The following DMD variants were observed in gnomAD, a reference collection of about 807,000 sequenced individuals.
DMD encodes the protein dystrophin, also known as mutant dystrophin.
Under a neutral mutation model 330.1 loss-of-function variants are expected in DMD, and 63 were observed. That is an observed-to-expected ratio of 0.19 (90% CI 0.16 to 0.24). DMD has a LOEUF of 0.24. Among genes scored for constraint, DMD ranks in the 10% least tolerant of loss-of-function variants. The pLI is 1.00. For synonymous variants in DMD, 1,223 were observed against 959.8 expected, an observed-to-expected ratio of 1.27 and a Z score of -5.07; for missense variants, 3,344 against 2,684.1, an observed-to-expected ratio of 1.25 and a Z score of -5.43.
At chrX:32,862,418 T>C (rs908566046) in intron 2 of DMD, among the ~76,000 whole-genome samples, 4 of 111,665 alleles carry the variant, frequency 3.6e-5, no homozygotes, top group African/African-American at 1.3e-4. Context: ...AAGTGGGATG[T>C]TATGAACCCA....
At chrX:33,200,935 T>TTTTC (rs2051229175) in intron 1 of DMD, among the ~76,000 whole-genome samples, 1 of 82,592 alleles carries the variant, frequency 1.2e-5, no homozygotes, top group Non-Finnish European at 2.4e-5. Context: ...CTTTTTTTTT[T>TTTTC]TTTTTTTTTT....
intron 1 of DMD, among the ~76,000 whole-genome samples, chrX:33,292,322 A>C (rs764279712): frequency 1.8e-5 from 2 of 112,013 alleles, no homozygotes; most frequent in Non-Finnish European, 3.8e-5. Context: ...ATCTATGTTG[A>C]AATGAATAAA....
At position 32,973,411 on chromosome X, in the gene DMD, T is replaced by C. The variant is rs57128508; in HGVS notation, c.93+46728A>G. On this transcript the variant is annotated intron_variant, in intron 2 of 78. Transcript: ENST00000357033. The stretch of plus-strand genomic sequence containing the variant: ...GTGAGTTTGTAACTACTTCAACAGA[T>C]AGAGGATGGCAAGAGTAATGTTTTG... Among the ~76,000 whole-genome samples, 17 of 112,199 alleles carry C rather than the reference T, an allele frequency of 1.5e-4. No individual in the cohort carries two copies. The East Asian group carries it at 3.9e-3, about 26-fold the overall frequency.
intron 44 of DMD, among the ~76,000 whole-genome samples, chrX:32,085,945 G>A (rs916121483): frequency 2.9e-4 from 32 of 111,450 alleles, no homozygotes; most frequent in Non-Finnish European, 4.1e-4. Flanking sequence ...AGCACTATTT[G>A]TAATAGCTAA....
At chrX:32,577,052 A>G (rs1201619732) in intron 13 of DMD, among the ~76,000 whole-genome samples, 1 of 111,894 alleles carries the variant, frequency 8.9e-6, no homozygotes. Flanking sequence ...CTACATCGGA[A>G]TGTGCCCATA....
intron 1 of DMD, among the ~76,000 whole-genome samples, chrX:33,265,521 T>A (rs1485361864): frequency 9.0e-6 from 1 of 111,307 alleles, no homozygotes; most frequent in Non-Finnish European, 1.9e-5. Flanking sequence ...CTAGGAAACT[T>A]TGGCAATAAA....
chrX:31,382,963 C>G (rs2148733413), intron 60 of DMD, among the ~76,000 whole-genome samples: 1 of 112,249 alleles, frequency 8.9e-6, no homozygotes, highest in African/African-American at 3.2e-5. Context: ...CCCCTGTGAC[C>G]TACACATATA....
intron 44 of DMD, among the ~76,000 whole-genome samples, chrX:32,180,512 C>T (rs190451718): frequency 1.6e-3 from 182 of 111,403 alleles, no homozygotes; most frequent in African/African-American, 5.5e-3. Flanking sequence ...CTTGGAGAGA[C>T]CCTTCAGAAT....
intron 45 of DMD, among the ~76,000 whole-genome samples, chrX:31,949,543 A>G (rs1421529691): frequency 9.0e-6 from 1 of 111,341 alleles, no homozygotes; most frequent in Non-Finnish European, 1.9e-5. Context: ...TTTTGTGGAT[A>G]TCAGATTTTT....
intron 61 of DMD, among the ~76,000 whole-genome samples, chrX:31,337,808 A>G (rs905250737): frequency 1.8e-5 from 2 of 112,098 alleles, no homozygotes; most frequent in Admixed American, 9.4e-5. Flanking sequence ...GGAAGATGAA[A>G]TAAGAAAGAA....
At chrX:31,831,872 T>G (rs4995434) in intron 49 of DMD, among the ~76,000 whole-genome samples, 51,247 of 111,592 alleles carry the variant, frequency 0.46, 8,583 homozygotes, top group East Asian at 0.63. Context: ...AAAGTGCTGG[T>G]ATTACAGGCG....
intron 43 of DMD, among the ~76,000 whole-genome samples, chrX:32,224,962 C>A (rs183618067): frequency 2.8e-3 from 316 of 111,582 alleles, no homozygotes; most frequent in African/African-American, 9.5e-3. Context: ...TTTTCTTTGA[C>A]CTGTACCACC....
chrX:32,803,298 G>A (rs1175740781), intron 7 of DMD, among the ~76,000 whole-genome samples: 1 of 111,309 alleles, frequency 9.0e-6, no homozygotes, highest in Non-Finnish European at 1.9e-5. Context: ...GTATTTCTGT[G>A]GGATCAGTGG....
At chrX:32,690,483 CAG>C (rs2063196785) in intron 9 of DMD, among the ~76,000 whole-genome samples, 2 of 111,426 alleles carry the variant, frequency 1.8e-5, no homozygotes, top group African/African-American at 3.3e-5. Context: ...TTCACAGAAA[CAG>C]AGAAAAACTC....
At chrX:32,068,687 T>C (rs1355391136) in intron 44 of DMD, among the ~76,000 whole-genome samples, 2 of 111,130 alleles carry the variant, frequency 1.8e-5, no homozygotes, top group Admixed American at 9.6e-5. Flanking sequence ...TTAAGTGATT[T>C]GAAAAAAACT....
chrX:31,505,164 C>T (rs2070805249), intron 56 of DMD, among the ~76,000 whole-genome samples: 1 of 111,934 alleles, frequency 8.9e-6, no homozygotes, highest in East Asian at 2.8e-4. Context: ...TTTTCCATCT[C>T]ACATTTTCAT....
At chrX:31,415,431 T>G (rs1028992430) in intron 60 of DMD, among the ~76,000 whole-genome samples, 1 of 112,058 alleles carries the variant, frequency 8.9e-6, no homozygotes, top group African/African-American at 3.2e-5. Context: ...CTTTAAGAAA[T>G]ACAGAGTTAC....
intron 63 of DMD, among the ~76,000 whole-genome samples, chrX:31,252,152 A>G (rs2049435135): frequency 1.8e-5 from 2 of 112,498 alleles, no homozygotes. Context: ...GGGAAAGTCA[A>G]TGGATCCTAA....
intron 44 of DMD, among the ~76,000 whole-genome samples, chrX:32,205,065 A>T (rs2097061541): frequency 1.0e-5 from 1 of 98,210 alleles, no homozygotes; most frequent in African/African-American, 3.7e-5. Context: ...AGTCGCAATT[A>T]AAACAAAAAA....
Sources: allele counts gnomAD v4.1 joint callset (sites outside exome capture counted in the v4.1 genomes callset), GRCh38; gene constraint gnomAD v4.1.1; transcripts MANE v1.5; gene names NCBI Gene and HGNC (gene_info 2026-07-23, HGNC 2026-07-21).